SEPTIN6: variants seen among roughly 807,000 people sequenced by gnomAD.
SEPTIN6 encodes septin-6.
SEPTIN6 carries 8 observed loss-of-function variants against 33.6 expected under a neutral mutation model. The observed-to-expected ratio is 0.24, with a 90% CI of 0.14 to 0.43. The LOEUF (loss-of-function observed/expected upper bound fraction) is 0.43. SEPTIN6 is among the 20% of genes least tolerant of loss of function. SEPTIN6 has a pLI of 1.00. For synonymous variants in SEPTIN6, 131 were observed against 140.0 expected (o/e 0.94, Z 0.45); for missense variants, 250 against 340.8 (o/e 0.73, Z 2.10).
chrX:119,620,319 CTT>C (rs11374271), intron 10 of SEPTIN6, among the ~76,000 whole-genome samples: 11 of 95,862 alleles, frequency 1.1e-4, no homozygotes, highest in Admixed American at 1.1e-4. Context: ...ATCTTTCTTT[CTT>C]TTTTTTTTTT....
chrX:119,624,336 C>G (rs1286671021), intron 10 of SEPTIN6, among the ~76,000 whole-genome samples: 1 of 109,461 alleles, frequency 9.1e-6, no homozygotes, highest in East Asian at 2.9e-4. Context: ...CCACCACGCC[C>G]GGCTAATTTT....
At chrX:119,638,246 G>A (rs965732956) in intron 6 of SEPTIN6, among the ~76,000 whole-genome samples, 3 of 111,524 alleles carry the variant, frequency 2.7e-5, no homozygotes, top group Non-Finnish European at 1.9e-5. Flanking sequence ...TGGTGACTAG[G>A]AGCAAGGGGA....
intron 6 of SEPTIN6, among the ~76,000 whole-genome samples, 167 bp downstream of exon 6, chrX:119,640,525 T>C (rs2054141320): frequency 9.1e-6 from 1 of 109,450 alleles, no homozygotes; most frequent in Admixed American, 9.8e-5. Flanking sequence ...CATCCCAGTA[T>C]GGAGCCAGAG....
intron 5 of SEPTIN6, 106 bp from the exon 6 acceptor site, chrX:119,640,894 A>G (rs2054150578): frequency 1.8e-6 from 1 of 542,351 alleles, no homozygotes; most frequent in East Asian, 3.4e-5. Context: ...TCACCCTGCA[A>G]TGTCCCTCAC....
rs763453155 is a variant in SEPTIN6 at position 119,646,010 on chromosome X, G to A, written c.690+3927C>T. On this transcript the variant is annotated intron_variant, in intron 5 of 10. Coordinates refer to ENST00000394610, the MANE Select transcript of SEPTIN6 (RefSeq NM_145799.4). Reference sequence around the variant, plus strand: ...TATTTCACCACATCCATTATACTTGGGAGGCTAGGTGACTGCTTAGCCCAG... The same window carrying A: ...TATTTCACCACATCCATTATACTTGAGAGGCTAGGTGACTGCTTAGCCCAG... Among the ~76,000 whole-genome samples, 57 of 111,928 alleles carry A rather than the reference G, an allele frequency of 5.1e-4. 1 individual carries two copies. Among genetic ancestry groups the A allele is most frequent in the Admixed American group, 4.6e-3 (48 of 10,525 alleles).
intron 10 of SEPTIN6, among the ~76,000 whole-genome samples, chrX:119,620,615 G>A (rs750675703): frequency 9.3e-6 from 1 of 107,086 alleles, no homozygotes; most frequent in Non-Finnish European, 1.9e-5. Flanking sequence ...CACTGCACCC[G>A]GCTCTTTTTT....
At chrX:119,664,135 C>T (rs2054594892) in intron 2 of SEPTIN6, among the ~76,000 whole-genome samples, 2 of 110,714 alleles carry the variant, frequency 1.8e-5, no homozygotes, top group African/African-American at 6.6e-5. Flanking sequence ...AGGCACCCGC[C>T]ACCGTGCCCA....
intron 3 of SEPTIN6, among the ~76,000 whole-genome samples, chrX:119,658,701 T>G (rs931018261): frequency 8.9e-5 from 10 of 112,790 alleles, no homozygotes; most frequent in African/African-American, 3.2e-4. Flanking sequence ...TATACCATCC[T>G]TTTGTTTTTG....
chrX:119,659,206 G>A (rs1161967242), intron 3 of SEPTIN6, among the ~76,000 whole-genome samples: 1 of 111,500 alleles, frequency 9.0e-6, no homozygotes, highest in Non-Finnish European at 1.9e-5. Flanking sequence ...TATTTTCCCA[G>A]CATCATCTCC....
chrX:119,664,840 C>CAAAAAAAAAAA (rs1199498493), intron 2 of SEPTIN6, among the ~76,000 whole-genome samples: 1 of 35,849 alleles, frequency 2.8e-5, no homozygotes, highest in African/African-American at 1.0e-4. Context: ...GACTCCATCT[C>CAAAAAAAAAAA]AAAAAAAAAA....
At chrX:119,670,001 T>G (rs760442891) in intron 2 of SEPTIN6, among the ~76,000 whole-genome samples, 1 of 111,767 alleles carries the variant, frequency 8.9e-6, no homozygotes, top group Non-Finnish European at 1.9e-5. Context: ...TTTAGATGGA[T>G]GAGTCTCTTT....
At chrX:119,675,162 C>T (rs997776417) in intron 2 of SEPTIN6, among the ~76,000 whole-genome samples, 2 of 111,634 alleles carry the variant, frequency 1.8e-5, no homozygotes, top group Non-Finnish European at 3.8e-5. Context: ...ACAGAGGAAA[C>T]AGACCCAACC....
In SEPTIN6 at chrX:119,617,117, TG is replaced by T; in HGVS notation, c.*2975del. 17 of 783,152 alleles carry T rather than the reference TG, an allele frequency of 2.2e-5. No homozygotes were observed. Among genetic ancestry groups the T allele is most frequent in the Non-Finnish European group, 2.6e-5 (17 of 664,848 alleles). The allele number at this position is 783,152 out of a possible 1,213,427, so 64.5% of individuals were successfully genotyped here. ...GTGTGTACGTGTGTGTGTGTGTGTG[TG>T]TGTGTGTGTGTGTGTGTGTGTGTGT... On this transcript the variant is annotated 3_prime_UTR_variant, in exon 11 of 11. Coordinates refer to ENST00000394610, the MANE Select transcript of SEPTIN6 (RefSeq NM_145799.4).
intron 2 of SEPTIN6, among the ~76,000 whole-genome samples, chrX:119,673,841 C>CAAA (rs774954935): frequency 9.2e-4 from 35 of 38,100 alleles, no homozygotes; most frequent in East Asian, 2.1e-3. Flanking sequence ...GACTCTGTCT[C>CAAA]AAAAAAAAAA....
chrX:119,620,623 T>TTTG (rs1221227754), intron 10 of SEPTIN6, among the ~76,000 whole-genome samples: 25 of 107,183 alleles, frequency 2.3e-4, no homozygotes, highest in African/African-American at 7.5e-4. Flanking sequence ...CCGGCTCTTT[T>TTTG]TTGTTGTTGT....
intron 3 of SEPTIN6, among the ~76,000 whole-genome samples, chrX:119,654,435 C>A (rs956328478): frequency 9.0e-6 from 1 of 111,595 alleles, no homozygotes; most frequent in African/African-American, 3.3e-5. Context: ...TCCCTTCAGG[C>A]TAGAAGAGGC....
chrX:119,663,386 C>G (rs1287165204), intron 3 of SEPTIN6, 96 bp downstream of exon 3: 9 of 762,449 alleles, frequency 1.2e-5, no homozygotes, highest in Non-Finnish European at 1.7e-5. Flanking sequence ...GGCTTGGGCC[C>G]GATATCTGTG....
At chrX:119,616,790 AAG>A (rs2053671569), downstream of SEPTIN6, 1 of 1,128,857 alleles carries the variant, frequency 8.9e-7, no homozygotes, top group East Asian at 3.0e-5. Context: ...TAGCCAAAGA[AAG>A]AGGACATTCA....
chrX:119,658,477 A>G (rs1404496025), intron 3 of SEPTIN6, among the ~76,000 whole-genome samples: 2 of 112,158 alleles, frequency 1.8e-5, no homozygotes, highest in African/African-American at 3.2e-5. Flanking sequence ...TTTTCATTCA[A>G]TAACCAAAGC....
Sources: allele counts gnomAD v4.1 joint callset (sites outside exome capture counted in the v4.1 genomes callset), GRCh38; gene constraint gnomAD v4.1.1; transcripts MANE v1.5; gene names NCBI Gene and HGNC (gene_info 2026-07-23, HGNC 2026-07-21).